Variants in BCCIP observed in about 807,000 individuals in gnomAD.
The protein encoded by BCCIP is BRCA2 and CDKN1A-interacting protein.
Under a neutral mutation model 32.8 loss-of-function variants are expected in BCCIP, and 23 were observed. The observed-to-expected ratio is 0.70, with a 90% CI of 0.51 to 0.99. The LOEUF (loss-of-function observed/expected upper bound fraction) is 0.99. Ranked by LOEUF, BCCIP falls within the 50% of genes least tolerant of loss-of-function variation. BCCIP has a pLI of 0.00. For synonymous variants in BCCIP, 144 were observed against 137.6 expected, an observed-to-expected ratio of 1.05 and a Z score of -0.33; for missense variants, 378 against 379.8, an observed-to-expected ratio of 1.00 and a Z score of 0.04.
chr10:125,823,608 G>GC lies in BCCIP; in HGVS notation c.53dup (p.Asp19GlyfsTer17). 6.2e-7 allele frequency: 1 copy of GC among 1,614,070 alleles called. No individual in the cohort carries two copies. The highest frequency in any genetic ancestry group is 8.5e-7 in the Non-Finnish European group (1 of 1,179,972). On this transcript the variant is annotated frameshift_variant, in exon 1 of 7. Transcript: ENST00000278100. LOFTEE classifies it high-confidence loss of function. ...CCGTGGAAAGTGGGGTTCCGCAGCC[G>GC]CCGGATCCCCCAGTCCAGCGCGACG...
intron 1 of BCCIP, 120 bp from the exon 2 acceptor site, chr10:125,826,471 G>A: frequency 6.9e-7 from 1 of 1,454,164 alleles, no homozygotes; most frequent in Non-Finnish European, 9.2e-7. Flanking sequence ...GTCACCTGAA[G>A]AAATAGTGTG....
At chr10:125,831,690 G>T in intron 5 of BCCIP, 83 bp downstream of exon 5, 1 of 1,335,750 alleles carries the variant, frequency 7.5e-7, no homozygotes, top group South Asian at 1.4e-5. Context: ...AGAATATGTA[G>T]ATATAGAAAG....
chr10:125,853,212 C>G, exon 8 of BCCIP: 5 of 1,611,842 alleles, frequency 3.1e-6, no homozygotes, highest in Non-Finnish European at 4.2e-6. Context: ...TTCCAGGGAA[C>G]CTTCATGACT....
chr10:125,841,183 C>T, downstream of BCCIP: 1 of 1,399,438 alleles, frequency 7.1e-7, no homozygotes, highest in South Asian at 1.2e-5. Flanking sequence ...TTCTCCCTCT[C>T]CTTTTGTGTG....
At chr10:125,829,924 G>A (rs530322300) in intron 3 of BCCIP, among the ~76,000 whole-genome samples, 3 of 152,352 alleles carry the variant, frequency 2.0e-5, no homozygotes, top group Non-Finnish European at 4.4e-5. Flanking sequence ...GTGTCCTGAG[G>A]ATAGAGACTT....
At chr10:125,832,792 A>G (rs1338782844) in intron 5 of BCCIP, among the ~76,000 whole-genome samples, 2 of 150,790 alleles carry the variant, frequency 1.3e-5, no homozygotes, top group African/African-American at 4.9e-5. Flanking sequence ...GCAAAATTAC[A>G]AGACCCTATC....
rs555332019 is a variant in BCCIP, at chr10:125,827,166, C to A, written c.241-392C>A. Among the ~76,000 whole-genome samples the A allele has an allele frequency of 2.0e-5, 3 of 151,632 alleles. No individual in the cohort carries two copies. In the East Asian group the frequency reaches 5.8e-4, roughly 29 times the overall value. ...TAATTCACAATTCTTATGTAACAGTCATATAACTGTGCTGTTTGGTGCTAT... is the reference window on the plus strand; with the variant it reads ...TAATTCACAATTCTTATGTAACAGTAATATAACTGTGCTGTTTGGTGCTAT... On this transcript the variant is annotated intron_variant, in intron 2 of 6. Transcript: ENST00000278100.
downstream of BCCIP, chr10:125,836,776 C>A (rs531809485): frequency 2.3e-5 from 37 of 1,614,084 alleles, no homozygotes; most frequent in African/African-American, 3.6e-4. Flanking sequence ...GATAGGTGAT[C>A]CACTACTTGC....
downstream of BCCIP, among the ~76,000 whole-genome samples, chr10:125,843,124 C>T (rs1056385049): frequency 2.0e-5 from 3 of 152,082 alleles, no homozygotes; most frequent in African/African-American, 7.2e-5. Flanking sequence ...TAGAAAGCTG[C>T]TGTATTGTTA....
chr10:125,852,189 T>A, intron 7 of BCCIP: 1 of 1,402,544 alleles, frequency 7.1e-7, no homozygotes, highest in East Asian at 2.4e-5. Flanking sequence ...GCCCCCTCCA[T>A]GCTTGTGTGC....
rs1854425260 is a variant in BCCIP, at chr10:125,827,512, A to AATC, written c.241-43_241-41dup. ...GAATATAGGATTTGAAGTTATTAGA[A>AATC]ATCATGCTTTGATCTTAATTTAAAA... On this transcript the variant is annotated intron_variant, in intron 2 of 6. Transcript: ENST00000278100. The AATC allele has an allele frequency of 3.9e-6, 5 of 1,278,556 alleles. No individual in the cohort carries two copies. In the East Asian group the frequency reaches 1.2e-4, roughly 30 times the overall value. 79.2% of individuals were successfully genotyped at this position (1,278,556 alleles called of 1,614,324 possible). A position where few individuals can be genotyped will look rare whatever the true frequency, so the allele number is the denominator to read the frequency against.
At position 125,831,429 on chromosome 10, in the gene BCCIP, T is replaced by C; in HGVS notation, c.421T>C (p.Cys141Arg). ...TCTCTTTGCTTTCTAGGGTACCCAG[T>C]GTGTTGAACAAATTCAAGAGTTGGT... The part of the protein sequence containing the change: ...LNLTERKGTQ[C>R]VEQIQELVLR... Residue 141 changes from cysteine (C) to arginine (R), a missense_variant, in exon 5 of 7, where the codon TGT becomes CGT. By Grantham distance (180) the Cys-to-Arg change is radical (BLOSUM62 -3). Transcript: ENST00000278100. 6.2e-7 allele frequency: 1 copy of C among 1,613,588 alleles called. No individual in the cohort carries two copies. The highest frequency in any genetic ancestry group is 1.1e-5 in the South Asian group (1 of 91,054).
intron 1 of BCCIP, 69 bp downstream of exon 1, chr10:125,823,791 A>G (rs1564815018): frequency 1.3e-6 from 2 of 1,583,192 alleles, no homozygotes; most frequent in African/African-American, 1.4e-5. Flanking sequence ...CAGGCTGTGT[A>G]AAAATAGTGT....
At chr10:125,835,126 C>CTT (rs943367416) in intron 6 of BCCIP, among the ~76,000 whole-genome samples, 12 of 150,638 alleles carry the variant, frequency 8.0e-5, no homozygotes, top group African/African-American at 2.9e-4. Flanking sequence ...GAGCGAGACT[C>CTT]TGTCTCAGAA....
At chr10:125,838,842 T>G (rs578050992), downstream of BCCIP, among the ~76,000 whole-genome samples, 1 of 152,342 alleles carries the variant, frequency 6.6e-6, no homozygotes, top group East Asian at 1.9e-4. Flanking sequence ...CTTTATTCCC[T>G]TGAGGGGAAG....
At chr10:125,833,137 GAAA>G (rs1161862135) in intron 5 of BCCIP, among the ~76,000 whole-genome samples, 1 of 111,700 alleles carries the variant, frequency 9.0e-6, no homozygotes, top group Non-Finnish European at 1.9e-5. Context: ...ACGAAAAAAA[GAAA>G]AAAAAAAAAA....
At chr10:125,847,410 A>C (rs1435640285), downstream of BCCIP, among the ~76,000 whole-genome samples, 1 of 152,242 alleles carries the variant, frequency 6.6e-6, no homozygotes, top group African/African-American at 2.4e-5. Context: ...AACATAATGC[A>C]TTCTATAACA....
chr10:125,842,388 A>G (rs1854905854), exon 7 of BCCIP: 2 of 153,910 alleles, frequency 1.3e-5, no homozygotes, highest in South Asian at 4.1e-4. Context: ...AGGCCAGAGA[A>G]AGAGCCATGT....
At chr10:125,827,700 C>G in intron 3 of BCCIP, 62 bp downstream of exon 3, 1 of 1,281,994 alleles carries the variant, frequency 7.8e-7, no homozygotes, top group East Asian at 2.3e-5. Context: ...CATGCTGGGC[C>G]TCACCATGCT....
Sources: allele counts gnomAD v4.1 joint callset (sites outside exome capture counted in the v4.1 genomes callset), GRCh38; gene constraint gnomAD v4.1.1; transcripts MANE v1.5; gene names NCBI Gene and HGNC (gene_info 2026-07-23, HGNC 2026-07-21).